The following AP2A2 variants were observed in gnomAD, a reference collection of about 807,000 sequenced individuals.
The protein encoded by AP2A2 is adaptor related protein complex 2 subunit alpha 2, also known as AP-2 complex subunit alpha-2.
Under a neutral mutation model 104.2 loss-of-function variants are expected in AP2A2, and 32 were observed. The observed-to-expected ratio is 0.31, with a 90% CI of 0.23 to 0.41. The LOEUF (loss-of-function observed/expected upper bound fraction) is 0.41. AP2A2 is among the 10% of genes least tolerant of loss of function. The probability of loss-of-function intolerance (pLI) is 1.00; values close to 1 mark genes in which losing one functional copy is unlikely to be tolerated. For synonymous variants in AP2A2, 539 were observed against 533.3 expected (o/e 1.01, Z -0.15); for missense variants, 912 against 1,261.0 (o/e 0.72, Z 4.19).
At position 970,132 on chromosome 11, in the gene AP2A2, C is replaced by T. The variant is rs764322752; in HGVS notation, c.137-37C>T. ...CTCTCCCCTCTCCCCTGCCTCTGCCCGCCTGGAATAAAACCTCTTCCCCAC... is the reference window on the plus strand; with the variant it reads ...CTCTCCCCTCTCCCCTGCCTCTGCCTGCCTGGAATAAAACCTCTTCCCCAC... On this transcript the variant is annotated intron_variant, in intron 2 of 21. Transcript: ENST00000448903. 22 of 1,609,078 alleles carry T rather than the reference C, an allele frequency of 1.4e-5. 1 individual carries two copies. Among genetic ancestry groups the T allele is most frequent in the Middle Eastern group, 1.7e-4 (1 of 6,054 alleles).
chr11:1,010,277 G>T (rs886182065), intron 21 of AP2A2: 2 of 565,270 alleles, frequency 3.5e-6, no homozygotes, highest in Non-Finnish European at 6.3e-6. Context: ...GCCTGTGTGT[G>T]GTTAGTGCTG....
At chr11:995,248 T>G in intron 14 of AP2A2, 1 of 454,110 alleles carries the variant, frequency 2.2e-6, no homozygotes, top group South Asian at 1.5e-5. Context: ...CGAGGTTTTA[T>G]GTAGTGAGTT....
At chr11:963,633 T>G (rs1471938704) in intron 2 of AP2A2, among the ~76,000 whole-genome samples, 1 of 152,124 alleles carries the variant, frequency 6.6e-6, no homozygotes, top group Non-Finnish European at 1.5e-5. Context: ...AATTGATTGA[T>G]CTATTGATTT....
At chr11:954,937 C>T (rs1193653436) in intron 1 of AP2A2, among the ~76,000 whole-genome samples, 4 of 152,118 alleles carry the variant, frequency 2.6e-5, no homozygotes, top group Admixed American at 6.6e-5. Context: ...CTGTAGATTC[C>T]GTTTAGGAAA....
At chr11:984,246 G>T (rs193122622) in intron 6 of AP2A2, among the ~76,000 whole-genome samples, 1 of 152,334 alleles carries the variant, frequency 6.6e-6, no homozygotes, top group East Asian at 1.9e-4. Context: ...GGGTTGGCCT[G>T]TGGTCGGGGG....
At chr11:927,511 A>T (rs200869000) in intron 1 of AP2A2, among the ~76,000 whole-genome samples, 86 of 91,432 alleles carry the variant, frequency 9.4e-4, no homozygotes, top group Non-Finnish European at 1.3e-3. Flanking sequence ...GTACTCTGTT[A>T]AAAAAAAAAA....
chr11:984,877 C>T lies in AP2A2; in HGVS notation c.814+124C>T, dbSNP rs1044228131. 9.5e-6 allele frequency: 8 copies of T among 845,860 alleles called. No individual in the cohort carries two copies. The African/African-American group carries it at 1.3e-4, about 14-fold the overall frequency. 52.4% of individuals were successfully genotyped at this position (845,860 alleles called of 1,614,324 possible). On this transcript the variant is annotated intron_variant, in intron 7 of 21. Coordinates refer to ENST00000448903, the MANE Select transcript of AP2A2 (RefSeq NM_012305.4). ...CTAGCCCTGTCTCTTGATTCATGGA[C>T]CTTTCTGCCAGTGCTGCTGTATGCG...
At chr11:989,358 G>T (rs111529285) in intron 10 of AP2A2, among the ~76,000 whole-genome samples, 11,520 of 151,856 alleles carry the variant, frequency 0.076, 608 homozygotes, top group Non-Finnish European at 0.12. Flanking sequence ...TAAAATGCCC[G>T]TCCTGCGCGG....
intron 2 of AP2A2, among the ~76,000 whole-genome samples, chr11:969,220 C>CTTTTTTTTTTTTTTTTTTTTT (rs1190722379): frequency 2.1e-5 from 1 of 48,040 alleles, no homozygotes; most frequent in Non-Finnish European, 4.3e-5. Context: ...TAGAACAGCC[C>CTTTTTTTTTTTTTTTTTTTTT]TTTTTTTTTT....
chr11:1,007,821 GCAGA>G lies in AP2A2; in HGVS notation c.2297-187_2297-184del. 9.9e-6 allele frequency: 7 copies of G among 705,566 alleles called. No individual in the cohort carries two copies. The South Asian group carries it at 1.1e-4, about 11-fold the overall frequency. 43.7% of individuals were successfully genotyped at this position (705,566 alleles called of 1,614,324 possible). On this transcript the variant is annotated intron_variant, in intron 17 of 21. Coordinates refer to ENST00000448903, the MANE Select transcript of AP2A2 (RefSeq NM_012305.4). ...AGGAGCCATTCTGGAAGCGTGAGAA[GCAGA>G]CAGTGTTTTGAGGATTGTCTGGGTG...
At chr11:934,990 C>T (rs1325591485) in intron 1 of AP2A2, among the ~76,000 whole-genome samples, 4 of 151,658 alleles carry the variant, frequency 2.6e-5, no homozygotes, top group Non-Finnish European at 5.9e-5. Flanking sequence ...TCCGGAGTAG[C>T]TGGGATTACA....
At chr11:959,399 C>A (rs2134562518) in intron 1 of AP2A2, 38 bp from the exon 2 acceptor site, 1 of 1,338,724 alleles carries the variant, frequency 7.5e-7, no homozygotes, top group East Asian at 2.3e-5. Context: ...CTTTAGAAAT[C>A]AATTAAAATA....
intron 1 of AP2A2, among the ~76,000 whole-genome samples, chr11:941,727 A>G (rs573328715): frequency 6.6e-6 from 1 of 151,626 alleles, no homozygotes; most frequent in Non-Finnish European, 1.5e-5. Context: ...AGCTGGGACT[A>G]CAGGCATGCA....
chr11:995,219 C>T (rs1249000101), intron 14 of AP2A2, among the ~76,000 whole-genome samples: 1 of 152,206 alleles, frequency 6.6e-6, no homozygotes, highest in Non-Finnish European at 1.5e-5. Context: ...TTAGAGAGGA[C>T]CTGTCCTGCC....
intron 1 of AP2A2, among the ~76,000 whole-genome samples, chr11:958,221 C>A (rs1344359392): frequency 6.6e-6 from 1 of 152,208 alleles, no homozygotes; most frequent in African/African-American, 2.4e-5. Flanking sequence ...CGTGAGCACA[C>A]AGAAGGTGGC....
rs1350749476 is a variant in AP2A2 at position 1,011,015 on chromosome 11, T to C, written c.*390T>C. The C allele has an allele frequency of 2.9e-6, 2 of 680,830 alleles. No individual in the cohort carries two copies. Among genetic ancestry groups the C allele is most frequent in the Non-Finnish European group, 2.7e-6 (1 of 365,666 alleles). The allele number at this position is 680,830 out of a possible 1,614,324, so 42.2% of individuals were successfully genotyped here. ...GAGCCTCTGGGAGCAGCAGTGCCAC[T>C]GTGCATGGCGTGGGCTGAGCCTTGG... On this transcript the variant is annotated 3_prime_UTR_variant, in exon 22 of 22. Transcript: ENST00000448903.
At chr11:953,233 C>CGGCTCACT (rs1186105003) in intron 1 of AP2A2, among the ~76,000 whole-genome samples, 2 of 151,794 alleles carry the variant, frequency 1.3e-5, no homozygotes, top group Non-Finnish European at 2.9e-5. Context: ...GGTGTGATCT[C>CGGCTCACT]GGCTCACTGC....
chr11:969,087 A>G (rs533048047), intron 2 of AP2A2, among the ~76,000 whole-genome samples: 1 of 152,122 alleles, frequency 6.6e-6, no homozygotes, highest in African/African-American at 2.4e-5. Context: ...CTGTGGCAGC[A>G]GAGTCTCTGT....
In AP2A2 at chr11:992,412, C is replaced by G; in HGVS notation, c.1270-91C>G. 1 of 1,352,636 alleles carries G rather than the reference C, an allele frequency of 7.4e-7. No homozygotes were observed. The highest frequency in any genetic ancestry group is 2.5e-5 in the East Asian group (1 of 39,930). 83.8% of individuals were successfully genotyped at this position (1,352,636 alleles called of 1,614,324 possible). ...CTTTTGTAGACACATTGAGGTGCTT[C>G]TGAAACTCTCACTTTGACTTTGGAC... On this transcript the variant is annotated intron_variant, in intron 10 of 21. Transcript: ENST00000448903. This position sits in a 1 kb window ranked among gnomAD's most constrained non-coding sequence, Gnocchi z 6.4.
Sources: gnomAD v4.1 joint callset for allele counts (sites outside exome capture counted in the v4.1 genomes callset) on GRCh38, gnomAD v4.1.1 for gene constraint, Gnocchi (gnomAD v3.1) non-coding constraint, MANE v1.5 for transcripts, NCBI Gene and HGNC (gene_info 2026-07-23, HGNC 2026-07-21) for gene names.